Variants in TTC12 observed in about 807,000 individuals in gnomAD.
TTC12 encodes tetratricopeptide repeat protein 12.
Under a neutral mutation model 90.1 loss-of-function variants are expected in TTC12, and 70 were observed. That is an observed-to-expected ratio of 0.78 (90% confidence interval 0.64 to 0.95). TTC12 has a LOEUF of 0.95. Ranked by LOEUF, TTC12 falls within the 40% of genes least tolerant of loss-of-function variation. The pLI is 0.00. For missense variants in TTC12, 819 were observed against 846.1 expected, an observed-to-expected ratio of 0.97 and a Z score of 0.40; for synonymous variants, 296 against 311.5, an observed-to-expected ratio of 0.95 and a Z score of 0.53.
downstream of TTC12, chr11:113,368,606 C>A (rs1192604364): frequency 4.8e-6 from 5 of 1,040,220 alleles, no homozygotes; most frequent in Admixed American, 8.0e-5. Context: ...TGCTCACTGT[C>A]TTCATACATG....
chr11:113,346,575 G>A (rs1948977191), intron 13 of TTC12, among the ~76,000 whole-genome samples: 1 of 151,870 alleles, frequency 6.6e-6, no homozygotes, highest in African/African-American at 2.4e-5. Context: ...AATACCAGCT[G>A]GATCGGTCCC....
At chr11:113,359,099 C>T (rs552145579) in intron 16 of TTC12, among the ~76,000 whole-genome samples, 3 of 151,912 alleles carry the variant, frequency 2.0e-5, no homozygotes, top group African/African-American at 2.4e-5. Context: ...AATGATCACC[C>T]GTCTCAGCAG....
intron 9 of TTC12, 83 bp downstream of exon 9, chr11:113,338,917 T>C (rs1227942481): frequency 3.9e-5 from 50 of 1,287,142 alleles, no homozygotes; most frequent in Non-Finnish European, 5.4e-5. Context: ...GTGCTTTCAC[T>C]GCCCTTGGCC....
At chr11:113,347,284 C>T (rs971871388) in intron 13 of TTC12, among the ~76,000 whole-genome samples, 36 of 152,310 alleles carry the variant, frequency 2.4e-4, no homozygotes, top group African/African-American at 6.5e-4. Flanking sequence ...AGAAGCTTGG[C>T]GTCACCTGGG....
intron 16 of TTC12, among the ~76,000 whole-genome samples, chr11:113,358,119 A>C (rs1310554116): frequency 1.3e-5 from 2 of 152,106 alleles, no homozygotes. Flanking sequence ...AGGATCTGCT[A>C]TACTCTATGC....
chr11:113,314,701 T>G (rs782108430), intron 1 of TTC12, 83 bp downstream of exon 1: 1 of 152,842 alleles, frequency 6.5e-6, no homozygotes, highest in Non-Finnish European at 1.5e-5. Flanking sequence ...GACGCTGCTT[T>G]GGGCCCCAGA....
intron 2 of TTC12, among the ~76,000 whole-genome samples, chr11:113,321,445 T>C (rs1947332873): frequency 6.6e-6 from 1 of 152,162 alleles, no homozygotes; most frequent in Admixed American, 6.5e-5. Context: ...TTAACTATGG[T>C]ATATATAATG....
In TTC12 at chr11:113,324,665, A is replaced by C; in HGVS notation, c.305A>C (p.Asn102Thr). ...GAACGAGCCAAGAGAAGAAGGGAAAACAAAGTCTTGGCGGATGGTAATTGT... is the reference window on the plus strand; with the variant it reads ...GAACGAGCCAAGAGAAGAAGGGAAACCAAAGTCTTGGCGGATGGTAATTGT... ...AKERAKRRRE[N>T]KVLADALKEK... Residue 102 changes from asparagine to threonine, a missense_variant, in exon 5 of 22, where the codon AAC becomes ACC. By Grantham distance (65) the Asn-to-Thr change is moderately conservative. Transcript: ENST00000529221. 6.2e-7 allele frequency: 1 copy of C among 1,613,974 alleles called. No individual in the cohort carries two copies. Among genetic ancestry groups the C allele is most frequent in the South Asian group, 1.1e-5 (1 of 91,020 alleles).
chr11:113,316,845 G>T (rs1946971171), intron 2 of TTC12, among the ~76,000 whole-genome samples: 2 of 152,228 alleles, frequency 1.3e-5, no homozygotes, highest in Admixed American at 1.3e-4. Flanking sequence ...TCAAAGAAAT[G>T]TACTCTGATC....
rs1404575957 is a variant in TTC12, at chr11:113,320,283, G to A, written c.59-3005G>A. 2.0e-5 allele frequency among the ~76,000 whole-genome samples: 3 copies of A among 152,150 alleles called. No individual in the cohort carries two copies. In the East Asian group the frequency reaches 5.8e-4, roughly 29 times the overall value. ...TTTCGTGCCCAAAAAGTTGCCTTTT[G>A]GCCTGCCATGCTCCCCTATCCTGTG... On this transcript the variant is annotated intron_variant, in intron 2 of 21. Coordinates refer to ENST00000529221, the MANE Select transcript of TTC12 (RefSeq NM_017868.4).
chr11:113,334,843 C>G, intron 7 of TTC12, 123 bp from the exon 8 acceptor site: 1 of 710,346 alleles, frequency 1.4e-6, no homozygotes, highest in Non-Finnish European at 2.3e-6. Flanking sequence ...AAAGTTTTGT[C>G]AACTCTGGTA....
rs1950074316 is a variant in TTC12 at position 113,363,936 on chromosome 11, T to C, written c.1816+9T>C. On this transcript the variant is annotated intron_variant, in intron 20 of 21. Coordinates refer to ENST00000529221, the MANE Select transcript of TTC12 (RefSeq NM_017868.4). ...AATAAGACTGGATAAAAGTAAGTGA[T>C]GATTTCCTTAAGGGAGCCCTTGTCC... 1.9e-6 allele frequency: 3 copies of C among 1,596,138 alleles called. No homozygotes were observed. Among genetic ancestry groups the C allele is most frequent in the Non-Finnish European group, 2.6e-6 (3 of 1,164,014 alleles).
rs782603185 is a variant in TTC12, at chr11:113,359,442, A to G, written c.1526A>G (p.Gln509Arg). Residue 509 changes from glutamine (Q) to arginine (R), a missense_variant, in exon 17 of 22, where the codon CAG becomes CGG. Transcript: ENST00000529221. Reference protein sequence around the residue: ...LLGLMMNLCLQAPFVSEVWAV... With the variant: ...LLGLMMNLCLRAPFVSEVWAV... The stretch of plus-strand genomic sequence containing the variant: ...GGACTCATGATGAACCTGTGTCTTC[A>G]GGCTCCCTTTGTCTCTGAGGTATGG... 1 of 1,613,044 alleles carries G rather than the reference A, an allele frequency of 6.2e-7. No homozygotes were observed. Among genetic ancestry groups the G allele is most frequent in the South Asian group, 1.1e-5 (1 of 91,042 alleles).
At position 113,357,126 on chromosome 11, in the gene TTC12, T is replaced by G. The variant is rs113271546; in HGVS notation, c.1447-2237T>G. Among the ~76,000 whole-genome samples, 710 of 152,328 alleles carry G rather than the reference T, an allele frequency of 4.7e-3. 3 individuals carry two copies. Among genetic ancestry groups the G allele is most frequent in the African/African-American group, 0.016 (667 of 41,570 alleles). On this transcript the variant is annotated intron_variant, in intron 16 of 21. Transcript: ENST00000529221. ...CCTCAGAGGTTTTTCTCATTCCTTTTTATTCTTTTTTTATCTATTCTTGTC... is the reference window on the plus strand; with the variant it reads ...CCTCAGAGGTTTTTCTCATTCCTTTGTATTCTTTTTTTATCTATTCTTGTC...
At chr11:113,316,348 C>A (rs559750673) in intron 2 of TTC12, 33 bp downstream of exon 2, 3 of 1,184,200 alleles carry the variant, frequency 2.5e-6, no homozygotes, top group Non-Finnish European at 2.3e-6. Context: ...TTAATTTCTG[C>A]TTTAGAGAAG....
chr11:113,362,116 T>C (rs1427290188), intron 18 of TTC12, among the ~76,000 whole-genome samples: 1 of 152,096 alleles, frequency 6.6e-6, no homozygotes, highest in Non-Finnish European at 1.5e-5. Context: ...ATATCAGAGC[T>C]CTGGGAGGAA....
At chr11:113,350,191 A>T in intron 14 of TTC12, 26 bp downstream of exon 14, 1 of 1,498,794 alleles carries the variant, frequency 6.7e-7, no homozygotes, top group Non-Finnish European at 9.3e-7. Context: ...ATAGAAATTG[A>T]CATTTCTTCT....
At chr11:113,346,305 AC>A (rs1431241715) in intron 13 of TTC12, among the ~76,000 whole-genome samples, 1 of 152,014 alleles carries the variant, frequency 6.6e-6, no homozygotes, top group Non-Finnish European at 1.5e-5. Flanking sequence ...TGCATCACTC[AC>A]TTATGATGAC....
At chr11:113,318,980 C>T (rs1947122980) in intron 2 of TTC12, among the ~76,000 whole-genome samples, 1 of 151,984 alleles carries the variant, frequency 6.6e-6, no homozygotes, top group South Asian at 2.1e-4. Context: ...GGAGGTGGAG[C>T]ATCTCTACCC....
Sources: gnomAD v4.1 joint callset for allele counts (sites outside exome capture counted in the v4.1 genomes callset) on GRCh38, gnomAD v4.1.1 for gene constraint, MANE v1.5 for transcripts, NCBI Gene and HGNC (gene_info 2026-07-23, HGNC 2026-07-21) for gene names.